DAB1: variants seen among roughly 807,000 people sequenced by gnomAD.
The protein encoded by DAB1 is DAB adaptor protein 1.
In DAB1, 15 loss-of-function variants were observed where a neutral mutation model predicts 64.6. The observed-to-expected ratio is 0.23, with a 90% confidence interval of 0.16 to 0.36. The LOEUF is 0.36. Among genes scored for constraint, DAB1 ranks in the 10% least tolerant of loss-of-function variants. The pLI is 1.00. For missense variants in DAB1, 596 were observed against 706.7 expected (o/e 0.84, Z 1.78); for synonymous variants, 235 against 251.9 (o/e 0.93, Z 0.64).
At chr1:58,502,888 A>G (rs1263672902) in intron 3 of DAB1, among the ~76,000 whole-genome samples, 1 of 152,216 alleles carries the variant, frequency 6.6e-6, no homozygotes, top group Non-Finnish European at 1.5e-5. Context: ...GAGGTTTTCA[A>G]ATTAAGTTTC....
chr1:58,396,800 C>T (rs1557748854), intron 3 of DAB1, among the ~76,000 whole-genome samples: 2 of 152,132 alleles, frequency 1.3e-5, no homozygotes. Flanking sequence ...CGGTGGCTCA[C>T]GCCTGTAATC....
At chr1:57,915,153 A>G (rs1644708087) in intron 5 of DAB1, among the ~76,000 whole-genome samples, 1 of 92,154 alleles carries the variant, frequency 1.1e-5, no homozygotes, top group South Asian at 2.9e-4. Context: ...AAAGAACTGG[A>G]AGGAAATACC....
chr1:58,408,478 A>G (rs1644637822), intron 3 of DAB1, among the ~76,000 whole-genome samples: 1 of 152,200 alleles, frequency 6.6e-6, no homozygotes, highest in Non-Finnish European at 1.5e-5. Flanking sequence ...TCCACTGGAG[A>G]GCAAGGATTC....
At chr1:57,402,689 C>T (rs552652839) in intron 1 of DAB1, among the ~76,000 whole-genome samples, 2 of 152,304 alleles carry the variant, frequency 1.3e-5, no homozygotes, top group South Asian at 4.1e-4. Context: ...GATTTACTTA[C>T]ATTGTTAACT....
intron 7 of DAB1, among the ~76,000 whole-genome samples, chr1:57,539,906 A>C (rs1644780602): frequency 6.6e-6 from 1 of 152,156 alleles, no homozygotes; most frequent in South Asian, 2.1e-4. Flanking sequence ...ACCCAAACAG[A>C]TGAGGGCCAG....
At chr1:57,523,619 T>A (rs1644556878) in intron 7 of DAB1, among the ~76,000 whole-genome samples, 1 of 151,972 alleles carries the variant, frequency 6.6e-6, no homozygotes, top group Admixed American at 6.6e-5. Context: ...AGATACCACA[T>A]CCATAAAAAG....
rs374485700 is a variant in DAB1 at position 57,446,871 on chromosome 1, A to AT, written n.626-155706dup. Among the ~76,000 whole-genome samples the AT allele has an allele frequency of 5.0e-3, 761 of 152,306 alleles. 4 individuals are homozygous for AT. Among genetic ancestry groups the AT allele is most frequent in the Middle Eastern group, 6.8e-3 (2 of 294 alleles). ...ATTGATTCTTAATTACTCACATCCT[A>AT]TGTAAGCTTATCCATTATATCCTTA... On this transcript the variant is annotated intron_variant and non_coding_transcript_variant, in intron 7 of 20. Transcript: ENST00000485760.
chr1:57,429,582 C>G (rs939976253), intron 7 of DAB1, among the ~76,000 whole-genome samples: 3 of 152,138 alleles, frequency 2.0e-5, no homozygotes, highest in Non-Finnish European at 4.4e-5. Context: ...TGCCAAGGAG[C>G]TTTTCCTCTG....
intron 9 of DAB1, among the ~76,000 whole-genome samples, chr1:57,050,254 T>G (rs916832562): frequency 6.6e-6 from 1 of 152,194 alleles, no homozygotes; most frequent in Admixed American, 6.5e-5. Flanking sequence ...TTCCATTAGC[T>G]TCTTAATGGT....
intron 7 of DAB1, among the ~76,000 whole-genome samples, chr1:57,614,868 C>CTT (rs34907824): frequency 0.044 from 1,684 of 38,652 alleles, 68 homozygotes; most frequent in African/African-American, 0.086. Flanking sequence ...TTCTTTCTTT[C>CTT]TTTTTTTTTT....
chr1:57,469,656 C>A (rs1209855573), intron 7 of DAB1, among the ~76,000 whole-genome samples: 3 of 152,150 alleles, frequency 2.0e-5, no homozygotes, highest in Non-Finnish European at 4.4e-5. Context: ...TATATAATTC[C>A]TTTCTTAGCC....
At chr1:58,298,597 A>T (rs1337836120) in intron 4 of DAB1, among the ~76,000 whole-genome samples, 1 of 152,234 alleles carries the variant, frequency 6.6e-6, no homozygotes, top group Non-Finnish European at 1.5e-5. Flanking sequence ...TGCGGCAGAC[A>T]TTCTGTAGGT....
chr1:57,164,548 T>C (rs1286828450), intron 2 of DAB1, among the ~76,000 whole-genome samples: 2 of 152,008 alleles, frequency 1.3e-5, no homozygotes, highest in Admixed American at 6.5e-5. Context: ...AGCCTTTTCC[T>C]GGGGAATTGG....
intron 2 of DAB1, among the ~76,000 whole-genome samples, chr1:58,514,318 A>G (rs1456332133): frequency 6.6e-6 from 1 of 152,238 alleles, no homozygotes; most frequent in Non-Finnish European, 1.5e-5. Context: ...AATTGTTCTT[A>G]TAATTTCACC....
intron 5 of DAB1, among the ~76,000 whole-genome samples, chr1:57,921,577 C>A (rs1041399047): frequency 6.6e-6 from 1 of 152,088 alleles, no homozygotes; most frequent in African/African-American, 2.4e-5. Context: ...TAGTAACCAA[C>A]AGATCCTGTC....
intron 4 of DAB1, among the ~76,000 whole-genome samples, chr1:58,161,505 T>C (rs1413036202): frequency 6.6e-6 from 1 of 152,162 alleles, no homozygotes; most frequent in East Asian, 1.9e-4. Flanking sequence ...GGGTAAGTAA[T>C]TGAGAGTAGT....
intron 4 of DAB1, among the ~76,000 whole-genome samples, chr1:58,258,159 C>T (rs1660974896): frequency 6.6e-6 from 1 of 152,074 alleles, no homozygotes; most frequent in African/African-American, 2.4e-5. Flanking sequence ...TGTCTTCGCA[C>T]ACCAGGAGGA....
intron 1 of DAB1, among the ~76,000 whole-genome samples, chr1:57,877,014 G>C (rs988394226): frequency 6.6e-6 from 1 of 151,982 alleles, no homozygotes; most frequent in Non-Finnish European, 1.5e-5. Context: ...TGGTGGGAAG[G>C]GTCTAGGTGT....
chr1:57,302,016 C>A (rs1361808797), intron 1 of DAB1, among the ~76,000 whole-genome samples: 1 of 152,162 alleles, frequency 6.6e-6, no homozygotes, highest in Non-Finnish European at 1.5e-5. Flanking sequence ...TTTTTACCAC[C>A]TTCCTTTTGA....
Sources: gnomAD v4.1 joint callset for allele counts (sites outside exome capture counted in the v4.1 genomes callset) on GRCh38, gnomAD v4.1.1 for gene constraint, MANE v1.5 for transcripts, NCBI Gene and HGNC (gene_info 2026-07-23, HGNC 2026-07-21) for gene names.